WASF3: variants seen among roughly 807,000 people sequenced by gnomAD.
WASF3 encodes actin-binding protein WASF3.
A neutral mutation model predicts 46.6 loss-of-function variants in WASF3; 11 were observed. The ratio of observed to expected loss-of-function variants is 0.24; its 90% CI spans 0.15 to 0.39. WASF3 has a LOEUF of 0.39. Among genes scored for constraint, WASF3 ranks in the 10% least tolerant of loss-of-function variants. The probability of loss-of-function intolerance (pLI) is 1.00; values close to 1 mark genes in which losing one functional copy is unlikely to be tolerated. For missense variants in WASF3, 576 were observed against 669.8 expected (o/e 0.86, Z 1.55); for synonymous variants, 242 against 259.7 (o/e 0.93, Z 0.65).
At chr13:26,667,200 T>C (rs1261802365) in intron 4 of WASF3, among the ~76,000 whole-genome samples, 1 of 152,216 alleles carries the variant, frequency 6.6e-6, no homozygotes, top group Non-Finnish European at 1.5e-5. Flanking sequence ...TTTACATGCC[T>C]GTTACATTCA....
At chr13:26,592,589 G>C (rs1333416715) in intron 1 of WASF3, among the ~76,000 whole-genome samples, 2 of 152,064 alleles carry the variant, frequency 1.3e-5, no homozygotes, top group African/African-American at 4.8e-5. Flanking sequence ...TAAGGCCATA[G>C]GTCCCATAGG....
intron 3 of WASF3, among the ~76,000 whole-genome samples, chr13:26,660,704 A>T (rs114846808): frequency 0.02 from 3,019 of 152,000 alleles, 104 homozygotes; most frequent in African/African-American, 0.069. Flanking sequence ...CCAGGTTTTT[A>T]AAAAAAACTG....
chr13:26,676,805 T>C, intron 7 of WASF3, 81 bp downstream of exon 7: 1 of 1,396,626 alleles, frequency 7.2e-7, no homozygotes, highest in Non-Finnish European at 9.6e-7. Context: ...TTGAAATGCA[T>C]CAATAGCTTC....
the WASF3 span, among the ~76,000 whole-genome samples, chr13:26,540,851 A>G: frequency 2.0e-5 from 3 of 152,180 alleles, no homozygotes; most frequent in Admixed American, 1.3e-4. Flanking sequence ...CAGACTATAG[A>G]TAAAGGTTGG....
chr13:26,546,484 C>G, the WASF3 span, among the ~76,000 whole-genome samples: 1 of 152,170 alleles, frequency 6.6e-6, no homozygotes. Context: ...GGGTGGATCA[C>G]CTGAGGACCT....
chr13:26,684,968 G>A (rs1189871727), intron 9 of WASF3, among the ~76,000 whole-genome samples: 1 of 152,042 alleles, frequency 6.6e-6, no homozygotes, highest in African/African-American at 2.4e-5. Flanking sequence ...TGCGCCGGTG[G>A]TTCCAGCTAC....
In WASF3 at chr13:26,582,602, G is replaced by A. The variant is rs140432323; in HGVS notation, c.-109+24783G>A. On this transcript the variant is annotated intron_variant, in intron 1 of 9. Coordinates refer to ENST00000335327, the MANE Select transcript of WASF3 (RefSeq NM_006646.6). ...TGAGGCAGGAGAATTGCTTGAACCC[G>A]GGAGGTGGAGGTTGCAGTGAGCCGA... 6.9e-3 allele frequency among the ~76,000 whole-genome samples: 1,026 copies of A among 149,570 alleles called. 17 individuals carry two copies. The highest frequency in any genetic ancestry group is 0.023 in the African/African-American group (915 of 40,520).
chr13:26,683,474 C>CA (rs5802386), intron 9 of WASF3, among the ~76,000 whole-genome samples: 18,694 of 121,316 alleles, frequency 0.15, 1,371 homozygotes, highest in East Asian at 0.33. Flanking sequence ...AGACCCGTCT[C>CA]AAAAAAAAAA....
chr13:26,659,271 A>T (rs1272097879), intron 3 of WASF3, among the ~76,000 whole-genome samples: 1 of 152,130 alleles, frequency 6.6e-6, no homozygotes, highest in Non-Finnish European at 1.5e-5. Flanking sequence ...ACGCAGAAGG[A>T]ACTGGAAATG....
intron 3 of WASF3, among the ~76,000 whole-genome samples, chr13:26,662,846 C>T (rs1882669302): frequency 6.7e-6 from 1 of 149,422 alleles, no homozygotes; most frequent in Non-Finnish European, 1.5e-5. Context: ...AAATGAAGTG[C>T]AGTGCACAGG....
intron 7 of WASF3, among the ~76,000 whole-genome samples, chr13:26,677,617 G>T (rs1221472628): frequency 6.6e-6 from 1 of 152,158 alleles, no homozygotes; most frequent in South Asian, 2.1e-4. Context: ...ACCCCAGAAG[G>T]TCTATAAGTC....
At chr13:26,546,574 G>C in the WASF3 span, among the ~76,000 whole-genome samples, 1 of 151,972 alleles carries the variant, frequency 6.6e-6, no homozygotes, top group Non-Finnish European at 1.5e-5. Flanking sequence ...AGGCTGGGTG[G>C]GGTGGCGGGT....
intron 1 of WASF3, among the ~76,000 whole-genome samples, chr13:26,589,098 A>G (rs903308795): frequency 6.6e-6 from 1 of 152,076 alleles, no homozygotes; most frequent in African/African-American, 2.4e-5. Flanking sequence ...CTGGCCCTGT[A>G]TTTCTTTATA....
At chr13:26,544,529 C>T in the WASF3 span, among the ~76,000 whole-genome samples, 7 of 152,120 alleles carry the variant, frequency 4.6e-5, no homozygotes, top group Non-Finnish European at 1.0e-4. Context: ...TTAAGTGAAT[C>T]GCAAATCTCA....
Position 26,560,553 on chromosome 13 carries a change from A to G in WASF3, c.-109+2734A>G, listed in dbSNP as rs546327282. Among the ~76,000 whole-genome samples, 79 of 152,308 alleles carry G rather than the reference A, an allele frequency of 5.2e-4. 1 individual carries two copies. Among genetic ancestry groups the G allele is most frequent in the African/African-American group, 1.8e-3 (73 of 41,572 alleles). ...CCTACTAGGTACCAGGTACTATTTT[A>G]ATCACTAGGGTTGCAAAAATAAGAG... On this transcript the variant is annotated intron_variant, in intron 1 of 9. Coordinates refer to ENST00000335327, the MANE Select transcript of WASF3 (RefSeq NM_006646.6).
the WASF3 span, among the ~76,000 whole-genome samples, chr13:26,552,326 C>A: frequency 6.6e-6 from 1 of 152,094 alleles, no homozygotes; most frequent in East Asian, 1.9e-4. Flanking sequence ...TTATTTTTAC[C>A]TTCTCATAAT....
chr13:26,659,601 A>C (rs1882565183), intron 3 of WASF3, among the ~76,000 whole-genome samples: 1 of 152,108 alleles, frequency 6.6e-6, no homozygotes, highest in South Asian at 2.1e-4. Flanking sequence ...CTGGAAGACC[A>C]ATCCCTTGGC....
At chr13:26,653,781 A>C (rs1566064178) in intron 3 of WASF3, among the ~76,000 whole-genome samples, 1 of 152,234 alleles carries the variant, frequency 6.6e-6, no homozygotes, top group African/African-American at 2.4e-5. Context: ...GTGTGTCTTC[A>C]GTTCTGACCT....
chr13:26,541,080 TA>T, the WASF3 span, among the ~76,000 whole-genome samples: 1 of 152,226 alleles, frequency 6.6e-6, no homozygotes, highest in African/African-American at 2.4e-5. Context: ...TATTCCACAG[TA>T]AATAAGTATT....
Sources: allele counts gnomAD v4.1 joint callset (sites outside exome capture counted in the v4.1 genomes callset), GRCh38; gene constraint gnomAD v4.1.1; transcripts MANE v1.5; gene names NCBI Gene and HGNC (gene_info 2026-07-23, HGNC 2026-07-21).